ZNF746: variants seen among roughly 807,000 people sequenced by gnomAD.
ZNF746 encodes the protein parkin-interacting substrate.
A neutral mutation model predicts 41.0 loss-of-function variants in ZNF746; 13 were observed. The ratio of observed to expected loss-of-function variants is 0.32; its 90% CI spans 0.21 to 0.50. The LOEUF (loss-of-function observed/expected upper bound fraction) is 0.50, where lower values mean the gene tolerates loss of function less well. ZNF746 is among the 20% of genes least tolerant of loss of function. ZNF746 has a pLI of 0.98. For missense variants in ZNF746, 811 were observed against 922.9 expected, an observed-to-expected ratio of 0.88 and a Z score of 1.57; for synonymous variants, 424 against 396.2, an observed-to-expected ratio of 1.07 and a Z score of -0.83.
intron 4 of ZNF746, among the ~76,000 whole-genome samples, chr7:149,482,712 G>A (rs1409782571): frequency 1.3e-5 from 2 of 152,116 alleles, no homozygotes; most frequent in South Asian, 2.1e-4. Context: ...TGATCCACTC[G>A]TCTCAGCCTC....
Position 149,497,537 on chromosome 7 carries a change from G to A in ZNF746, c.-1C>T, listed in dbSNP as rs1368238545. ...CCGGAGCCGCGACCGCCTCGGCCAT[G>A]GCCCTGCGCTGTCCCGCCCGGCCCG... On this transcript the variant is annotated 5_prime_UTR_variant, in exon 1 of 7. Coordinates refer to ENST00000458143, the MANE Select transcript of ZNF746 (RefSeq NM_001394198.1). This position sits in a 1 kb window ranked among gnomAD's most constrained non-coding sequence, Gnocchi z 4.2. 3 of 1,088,712 alleles carry A rather than the reference G, an allele frequency of 2.8e-6. No individual in the cohort carries two copies. The African/African-American group carries it at 5.1e-5, about 18-fold the overall frequency. The allele number at this position is 1,088,712 out of a possible 1,614,324, so 67.4% of individuals were successfully genotyped here. A position where few individuals can be genotyped will look rare whatever the true frequency, so the allele number is the denominator to read the frequency against.
intron 1 of ZNF746, among the ~76,000 whole-genome samples, chr7:149,495,771 A>C (rs1448345718): frequency 1.3e-5 from 2 of 152,246 alleles, no homozygotes; most frequent in African/African-American, 4.8e-5. Context: ...AGGGAGAAAC[A>C]AACTTGTCTA....
chr7:149,480,598 C>A (rs979693112), intron 4 of ZNF746, among the ~76,000 whole-genome samples: 2 of 151,988 alleles, frequency 1.3e-5, no homozygotes, highest in African/African-American at 4.8e-5. Context: ...CTAGGCCCAG[C>A]TAATTTTTAT....
At chr7:149,491,954 C>T (rs1211306329) in intron 4 of ZNF746, 3 of 702,848 alleles carry the variant, frequency 4.3e-6, no homozygotes, top group African/African-American at 3.5e-5. Context: ...ACGCTGATAT[C>T]TGGTAACAAG....
chr7:149,485,564 C>T (rs1362305401), intron 4 of ZNF746, among the ~76,000 whole-genome samples: 2 of 152,170 alleles, frequency 1.3e-5, no homozygotes, highest in Non-Finnish European at 1.5e-5. Context: ...TGTACTACAA[C>T]ATTGAAGAAC....
chr7:149,480,407 G>GA (rs1391841854), intron 4 of ZNF746, among the ~76,000 whole-genome samples: 3 of 151,564 alleles, frequency 2.0e-5, no homozygotes, highest in Admixed American at 1.3e-4. Flanking sequence ...AGAATGGTGA[G>GA]AAAAAATAAC....
intron 4 of ZNF746, 82 bp downstream of exon 4, chr7:149,492,777 A>G (rs1392890597): frequency 1.6e-5 from 16 of 981,164 alleles, no homozygotes; most frequent in South Asian, 4.1e-5. Context: ...CTCTCTCTGG[A>G]AAGATCACAC....
At chr7:149,482,866 G>A (rs139156126) in intron 4 of ZNF746, among the ~76,000 whole-genome samples, 26 of 152,278 alleles carry the variant, frequency 1.7e-4, no homozygotes, top group African/African-American at 6.3e-4. Flanking sequence ...TACAGTAGGG[G>A]ATTTTGATAT....
At chr7:149,478,149 G>A (rs1031471653) in intron 4 of ZNF746, among the ~76,000 whole-genome samples, 9 of 151,394 alleles carry the variant, frequency 5.9e-5, no homozygotes, top group Non-Finnish European at 1.3e-4. Flanking sequence ...GAGTGCAAAA[G>A]AAAAGATCCC....
At position 149,497,496 on chromosome 7, in the gene ZNF746, G is replaced by A. The variant is rs552955809; in HGVS notation, c.24+17C>T. 211 of 1,095,986 alleles carry A rather than the reference G, an allele frequency of 1.9e-4. No individual in the cohort carries two copies. The African/African-American group carries it at 3.4e-3, about 18-fold the overall frequency. The allele number at this position is 1,095,986 out of a possible 1,614,324, so 67.9% of individuals were successfully genotyped here. ...GCCCCCAGGCCGCGAGTCCCTGCGCGCGCGGGTCGCCCTTACCGGAGCCGC... is the reference window on the plus strand; with the variant it reads ...GCCCCCAGGCCGCGAGTCCCTGCGCACGCGGGTCGCCCTTACCGGAGCCGC... On this transcript the variant is annotated intron_variant, in intron 1 of 6. Transcript: ENST00000458143. This position sits in a 1 kb window ranked among gnomAD's most constrained non-coding sequence, Gnocchi z 4.2.
intron 4 of ZNF746, among the ~76,000 whole-genome samples, chr7:149,482,121 T>G (rs1800501659): frequency 6.6e-6 from 1 of 152,240 alleles, no homozygotes. Flanking sequence ...GTACACGGTT[T>G]TTGAAATACG....
chr7:149,484,201 C>G (rs1010126768), intron 4 of ZNF746, among the ~76,000 whole-genome samples: 1 of 152,102 alleles, frequency 6.6e-6, no homozygotes, highest in Non-Finnish European at 1.5e-5. Context: ...TACATCATAG[C>G]TCATATTTTT....
chr7:149,493,191 G>C (rs2116493009), intron 3 of ZNF746, among the ~76,000 whole-genome samples: 1 of 152,248 alleles, frequency 6.6e-6, no homozygotes, highest in South Asian at 2.1e-4. Context: ...CTGGCATCTG[G>C]AGATGCCCTG....
intron 4 of ZNF746, among the ~76,000 whole-genome samples, chr7:149,479,945 T>C (rs148414041): frequency 1.0e-3 from 154 of 152,154 alleles, no homozygotes; most frequent in African/African-American, 3.6e-3. Context: ...TAGAAGACCC[T>C]GTCTCCACAG....
chr7:149,477,826 C>G (rs901665747), intron 4 of ZNF746, 71 bp from the exon 5 acceptor site: 8 of 1,329,874 alleles, frequency 6.0e-6, no homozygotes, highest in African/African-American at 1.5e-5. Flanking sequence ...CGCATCCAGC[C>G]GGAGAGATAG....
intron 4 of ZNF746, among the ~76,000 whole-genome samples, chr7:149,479,935 T>C (rs1023531674): frequency 3.3e-5 from 5 of 151,812 alleles, no homozygotes; most frequent in South Asian, 2.1e-4. Context: ...CTAGGCAACA[T>C]AGAAGACCCT....
intron 4 of ZNF746, 194 bp from the exon 5 acceptor site, chr7:149,477,949 C>A: frequency 2.1e-6 from 1 of 471,894 alleles, no homozygotes; most frequent in African/African-American, 2.0e-5. Flanking sequence ...ATTGGGAATG[C>A]GGGTAGGGTA....
Position 149,474,579 on chromosome 7 carries a change from G to A in ZNF746, c.1788C>T (p.His596=). 2 of 1,612,184 alleles carry A rather than the reference G, an allele frequency of 1.2e-6. No individual in the cohort carries two copies. The highest frequency in any genetic ancestry group is 1.7e-6 in the Non-Finnish European group (2 of 1,179,028). ...CATGGTTGCGCTGGTGCTTGCGGAG[G>A]TGGTCCTTGCGGATGAAGCTTTTGC... ...VCGKSFIRKD[H]LRKHQRNHAA... Residue 596 remains histidine, a synonymous_variant, in exon 7 of 7, where the codon CAC becomes CAT. Coordinates refer to ENST00000458143, the MANE Select transcript of ZNF746 (RefSeq NM_001394198.1). This position sits in a 1 kb window ranked among gnomAD's most constrained non-coding sequence, Gnocchi z 6.3.
In ZNF746 at chr7:149,474,249, G is replaced by T; in HGVS notation, c.*135C>A. ...CTGGTGGATAGTTTCTCTTTCTCCA[G>T]TGATCATCAGTTCAGCAACTTGGAC... On this transcript the variant is annotated 3_prime_UTR_variant, in exon 7 of 7. Transcript: ENST00000458143. The surrounding 1 kb of genome is among the most constrained non-coding windows in gnomAD (Gnocchi z 6.3). The T allele has an allele frequency of 1.0e-6, 1 of 1,001,756 alleles. No homozygotes were observed. Among genetic ancestry groups the T allele is most frequent in the Non-Finnish European group, 1.4e-6 (1 of 690,370 alleles). The allele number at this position is 1,001,756 out of a possible 1,614,324, so 62.1% of individuals were successfully genotyped here.
Sources: allele counts gnomAD v4.1 joint callset (sites outside exome capture counted in the v4.1 genomes callset), GRCh38; gene constraint gnomAD v4.1.1; non-coding constraint Gnocchi (gnomAD v3.1); transcripts MANE v1.5; gene names NCBI Gene and HGNC (gene_info 2026-07-23, HGNC 2026-07-21).